The following SNX29 variants were observed in gnomAD, a reference collection of about 807,000 sequenced individuals.
SNX29 encodes the protein sorting nexin-29.
Under a neutral mutation model 102.1 loss-of-function variants are expected in SNX29, and 78 were observed. That is an observed-to-expected ratio of 0.76 (90% CI 0.64 to 0.92). The LOEUF is 0.92. SNX29 is among the 40% of genes least tolerant of loss of function. The pLI is 0.00. For missense variants in SNX29, 1,280 were observed against 1,061.7 expected (o/e 1.21, Z -2.86); for synonymous variants, 580 against 414.5 (o/e 1.40, Z -4.85).
At chr16:12,057,851 T>C (rs2050583956) in intron 8 of SNX29, among the ~76,000 whole-genome samples, 1 of 151,194 alleles carries the variant, frequency 6.6e-6, no homozygotes, top group Admixed American at 6.6e-5. Context: ...GGGTTCTCGC[T>C]CTGTCACTCA....
intron 19 of SNX29, among the ~76,000 whole-genome samples, chr16:12,489,187 G>A (rs2088408864): frequency 6.6e-6 from 1 of 151,696 alleles, no homozygotes; most frequent in African/African-American, 2.4e-5. Context: ...TTTCCCTTCA[G>A]TATTCTCATT....
At chr16:12,552,393 C>T (rs528678514) in intron 20 of SNX29, among the ~76,000 whole-genome samples, 17 of 152,304 alleles carry the variant, frequency 1.1e-4, no homozygotes, top group South Asian at 8.3e-4. Flanking sequence ...TGGTACCTGG[C>T]GCAGAGCAGT....
intron 10 of SNX29, among the ~76,000 whole-genome samples, chr16:12,073,228 T>G (rs2051381184): frequency 6.6e-6 from 1 of 152,206 alleles, no homozygotes; most frequent in South Asian, 2.1e-4. Flanking sequence ...ATGTGTTTGC[T>G]CTTGCTTTTT....
chr16:12,442,480 T>A (rs1015951439), intron 18 of SNX29, among the ~76,000 whole-genome samples: 3 of 152,234 alleles, frequency 2.0e-5, no homozygotes, highest in Non-Finnish European at 4.4e-5. Flanking sequence ...GTAAATATTT[T>A]ATGTCTTTGT....
intron 19 of SNX29, among the ~76,000 whole-genome samples, chr16:12,524,171 A>C (rs1316906707): frequency 1.3e-5 from 2 of 152,140 alleles, no homozygotes; most frequent in Non-Finnish European, 2.9e-5. Context: ...GTTTTTCAAG[A>C]GAATACGGAA....
At chr16:12,147,332 A>C (rs2055105762) in intron 13 of SNX29, among the ~76,000 whole-genome samples, 1 of 152,368 alleles carries the variant, frequency 6.6e-6, no homozygotes, top group South Asian at 2.1e-4. Context: ...GGACAGAAGC[A>C]GGAGGAAATA....
intron 14 of SNX29, among the ~76,000 whole-genome samples, chr16:12,224,459 G>A (rs191214914): frequency 2.6e-5 from 4 of 152,184 alleles, no homozygotes; most frequent in Admixed American, 6.5e-5. Context: ...ACCACAGGAC[G>A]TGTTTCTTAA....
At chr16:12,398,599 G>A in intron 17 of SNX29, 98 bp downstream of exon 17, 1 of 1,363,966 alleles carries the variant, frequency 7.3e-7, no homozygotes, top group Non-Finnish European at 1.0e-6. Flanking sequence ...AGAAATCACT[G>A]TTGAGACCCA....
At chr16:12,324,132 C>T (rs566024178) in intron 15 of SNX29, among the ~76,000 whole-genome samples, 1 of 152,020 alleles carries the variant, frequency 6.6e-6, no homozygotes. Context: ...TCACATGAGA[C>T]TGGGACCTGT....
intron 20 of SNX29, among the ~76,000 whole-genome samples, chr16:12,552,539 G>A (rs1446646440): frequency 1.3e-5 from 2 of 152,120 alleles, no homozygotes; most frequent in African/African-American, 4.8e-5. Flanking sequence ...TCTCAGTGAT[G>A]TCCCCAGCAC....
intron 10 of SNX29, among the ~76,000 whole-genome samples, chr16:12,077,470 G>C (rs1324764898): frequency 6.6e-6 from 1 of 151,088 alleles, no homozygotes; most frequent in South Asian, 2.1e-4. Flanking sequence ...TCTCACCAAA[G>C]ACACTAAACT....
At chr16:12,272,326 T>G (rs1045811756) in intron 14 of SNX29, among the ~76,000 whole-genome samples, 4 of 152,222 alleles carry the variant, frequency 2.6e-5, no homozygotes, top group Non-Finnish European at 1.5e-5. Context: ...TGAATTGTGA[T>G]GAGCAGGACC....
At chr16:12,121,481 C>T (rs1335222423) in intron 11 of SNX29, among the ~76,000 whole-genome samples, 4 of 152,232 alleles carry the variant, frequency 2.6e-5, no homozygotes, top group South Asian at 2.1e-4. Flanking sequence ...CTTGGGTAGC[C>T]GCCTTGGCTG....
At chr16:12,547,128 G>A (rs1056306239) in intron 20 of SNX29, among the ~76,000 whole-genome samples, 20 of 150,146 alleles carry the variant, frequency 1.3e-4, no homozygotes, top group African/African-American at 5.1e-4. Context: ...TGACATCACA[G>A]TCATCACAGA....
intron 13 of SNX29, among the ~76,000 whole-genome samples, chr16:12,183,254 G>A (rs180788045): frequency 2.6e-5 from 4 of 152,302 alleles, no homozygotes; most frequent in Admixed American, 2.6e-4. Flanking sequence ...TCCCGCCTTA[G>A]CCTCCCAAAG....
At chr16:12,545,331 G>C (rs185566069) in intron 20 of SNX29, among the ~76,000 whole-genome samples, 1 of 151,790 alleles carries the variant, frequency 6.6e-6, no homozygotes, top group Non-Finnish European at 1.5e-5. Flanking sequence ...CAGAGAAAGG[G>C]TGTCACATAG....
Position 12,021,891 on chromosome 16 carries a change from A to G in SNX29, c.123-5429A>G, listed in dbSNP as rs543727797. Among the ~76,000 whole-genome samples, 462 of 140,262 alleles carry G rather than the reference A, an allele frequency of 3.3e-3. 3 individuals carry two copies. The highest frequency in any genetic ancestry group is 0.012 in the African/African-American group (442 of 36,734). The allele number at this position is 140,262 out of a possible 152,430, so 92.0% of individuals were successfully genotyped here. On this transcript the variant is annotated intron_variant, in intron 3 of 20. Coordinates refer to ENST00000566228, the MANE Select transcript of SNX29 (RefSeq NM_032167.5). ...GGGGAACAGAGCGAGGCTCCATCTC[A>G]AAAAAAAAAAAAAGATAGGACAAAG...
intron 14 of SNX29, among the ~76,000 whole-genome samples, chr16:12,211,194 TTCTGGG>T (rs919881050): frequency 5.9e-5 from 9 of 152,148 alleles, no homozygotes. Context: ...CCAGGCACAG[TTCTGGG>T]TATACTTCAG....
chr16:12,272,971 A>G (rs1054058557), intron 14 of SNX29, among the ~76,000 whole-genome samples: 3 of 152,186 alleles, frequency 2.0e-5, no homozygotes, highest in East Asian at 1.9e-4. Flanking sequence ...TCATATCATC[A>G]TTTTGGTTAG....
Sources: gnomAD v4.1 joint callset for allele counts (sites outside exome capture counted in the v4.1 genomes callset) on GRCh38, gnomAD v4.1.1 for gene constraint, MANE v1.5 for transcripts, NCBI Gene and HGNC (gene_info 2026-07-23, HGNC 2026-07-21) for gene names.